The following SGCZ variants were observed in gnomAD, a reference collection of about 807,000 sequenced individuals.
SGCZ encodes the protein sarcoglycan zeta, also known as zeta-sarcoglycan.
Under a neutral mutation model 41.3 loss-of-function variants are expected in SGCZ, and 40 were observed. The observed-to-expected ratio is 0.97, with a 90% CI of 0.75 to 1.26. The LOEUF (loss-of-function observed/expected upper bound fraction) is 1.26. Among genes scored for constraint, SGCZ ranks in the 50% most tolerant of loss-of-function variants. The pLI, the probability that SGCZ is intolerant of heterozygous loss-of-function variation, is 0.00. For synonymous variants in SGCZ, 206 were observed against 137.5 expected (o/e 1.50, Z -3.49); for missense variants, 552 against 369.8 (o/e 1.49, Z -4.04).
chr8:14,311,389 G>T (rs893769964), intron 3 of SGCZ, among the ~76,000 whole-genome samples: 3 of 151,958 alleles, frequency 2.0e-5, no homozygotes, highest in Non-Finnish European at 4.4e-5. Context: ...CCTGTCCCTG[G>T]TTTTCTGTTA....
chr8:14,625,440 T>C (rs1806422755), intron 1 of SGCZ, among the ~76,000 whole-genome samples: 3 of 152,204 alleles, frequency 2.0e-5, no homozygotes, highest in South Asian at 4.1e-4. Context: ...TATGATACAT[T>C]GTTTTACCAT....
At chr8:14,362,183 C>T (rs1382596590) in intron 2 of SGCZ, among the ~76,000 whole-genome samples, 5 of 152,266 alleles carry the variant, frequency 3.3e-5, no homozygotes, top group South Asian at 2.1e-4. Context: ...TATTGATGTT[C>T]GCACACCATA....
At chr8:14,734,498 C>T (rs1341710443) in intron 1 of SGCZ, among the ~76,000 whole-genome samples, 1 of 152,148 alleles carries the variant, frequency 6.6e-6, no homozygotes, top group Non-Finnish European at 1.5e-5. Flanking sequence ...AAAGGTTTAG[C>T]AACCCAAGGA....
chr8:15,158,730 G>A (rs1252830946), intron 1 of SGCZ, among the ~76,000 whole-genome samples: 1 of 152,142 alleles, frequency 6.6e-6, no homozygotes, highest in African/African-American at 2.4e-5. Context: ...AAAGGTAAAG[G>A]AGTTTAGGAT....
intron 2 of SGCZ, among the ~76,000 whole-genome samples, chr8:14,502,444 G>C (rs1176120908): frequency 4.6e-5 from 7 of 151,972 alleles, no homozygotes; most frequent in Admixed American, 4.6e-4. Context: ...CTTCACTTTT[G>C]ATACAGTTTA....
chr8:14,403,232 C>T (rs1228285153), intron 2 of SGCZ, among the ~76,000 whole-genome samples: 20 of 150,220 alleles, frequency 1.3e-4, no homozygotes, highest in Non-Finnish European at 2.9e-4. Flanking sequence ...ATGTCGTCTG[C>T]AAACAGGGAC....
At chr8:14,402,153 A>T (rs189717047) in intron 2 of SGCZ, among the ~76,000 whole-genome samples, 176 of 152,190 alleles carry the variant, frequency 1.2e-3, no homozygotes, top group African/African-American at 4.0e-3. Flanking sequence ...TCTTCTTGTA[A>T]ATTTGACTGA....
At chr8:14,270,919 C>T (rs1800037139) in intron 3 of SGCZ, among the ~76,000 whole-genome samples, 1 of 152,004 alleles carries the variant, frequency 6.6e-6, no homozygotes, top group African/African-American at 2.4e-5. Context: ...AAGCTGGAAA[C>T]CATCATTCTC....
At chr8:14,569,530 C>G (rs1376941146) in intron 1 of SGCZ, among the ~76,000 whole-genome samples, 1 of 152,152 alleles carries the variant, frequency 6.6e-6, no homozygotes, top group East Asian at 1.9e-4. Context: ...AGGAAGCACT[C>G]TTCTAGAAGC....
chr8:14,326,249 A>G (rs934982790), intron 2 of SGCZ, among the ~76,000 whole-genome samples: 1 of 152,026 alleles, frequency 6.6e-6, no homozygotes, highest in Non-Finnish European at 1.5e-5. Context: ...TTGGGAAAAT[A>G]TCTTTTATGT....
chr8:14,998,255 C>T (rs1017275699), intron 1 of SGCZ, among the ~76,000 whole-genome samples: 16 of 152,086 alleles, frequency 1.1e-4, no homozygotes, highest in African/African-American at 3.1e-4. Context: ...ATGAATAAAC[C>T]GTTAAGAATA....
chr8:14,463,301 T>A (rs1585548949), intron 2 of SGCZ, among the ~76,000 whole-genome samples: 1 of 151,272 alleles, frequency 6.6e-6, no homozygotes, highest in Non-Finnish European at 1.5e-5. Context: ...CACTTTCTGA[T>A]TTTAAAACTT....
intron 4 of SGCZ, among the ~76,000 whole-genome samples, chr8:14,229,117 G>C (rs1806473458): frequency 1.3e-5 from 2 of 152,092 alleles, no homozygotes; most frequent in South Asian, 4.1e-4. Flanking sequence ...GGTCCTCCAG[G>C]AAGGAAAATC....
At chr8:14,758,042 T>C (rs577655964) in intron 1 of SGCZ, among the ~76,000 whole-genome samples, 154 of 152,322 alleles carry the variant, frequency 1.0e-3, no homozygotes, top group African/African-American at 3.5e-3. Flanking sequence ...ATATAAAATA[T>C]TATACCCATT....
At chr8:14,813,721 G>A (rs1250790608) in intron 1 of SGCZ, among the ~76,000 whole-genome samples, 2 of 152,162 alleles carry the variant, frequency 1.3e-5, no homozygotes, top group East Asian at 1.9e-4. Flanking sequence ...GGAGAGGGAG[G>A]TGGGCAGATC....
chr8:14,313,029 G>T (rs1336852617), intron 3 of SGCZ, among the ~76,000 whole-genome samples: 2 of 152,134 alleles, frequency 1.3e-5, no homozygotes, highest in African/African-American at 4.8e-5. Context: ...AAGCTTGACA[G>T]ACCTGGACTT....
At chr8:14,273,142 A>G (rs1800116300) in intron 3 of SGCZ, among the ~76,000 whole-genome samples, 1 of 152,014 alleles carries the variant, frequency 6.6e-6, no homozygotes, top group Admixed American at 6.6e-5. Context: ...CAGTGGCAAT[A>G]ATTCATTAAG....
At chr8:14,714,746 A>T (rs992809389) in intron 1 of SGCZ, among the ~76,000 whole-genome samples, 13 of 152,340 alleles carry the variant, frequency 8.5e-5, no homozygotes. Flanking sequence ...ATTAAAAATA[A>T]ATAAGCAAGT....
intron 1 of SGCZ, among the ~76,000 whole-genome samples, chr8:14,810,236 TTC>T (rs1801699504): frequency 6.6e-6 from 1 of 152,028 alleles, no homozygotes; most frequent in Non-Finnish European, 1.5e-5. Context: ...GGCAATTTTT[TTC>T]TGTTACTGAA....
Sources: gnomAD v4.1 joint callset for allele counts (sites outside exome capture counted in the v4.1 genomes callset) on GRCh38, gnomAD v4.1.1 for gene constraint, MANE v1.5 for transcripts, NCBI Gene and HGNC (gene_info 2026-07-23, HGNC 2026-07-21) for gene names.